Variants in CLPB observed in about 807,000 individuals in gnomAD.
The protein encoded by CLPB is mitochondrial disaggregase.
A neutral mutation model predicts 78.4 loss-of-function variants in CLPB; 40 were observed. That is an observed-to-expected ratio of 0.51 (90% confidence interval 0.40 to 0.66). The LOEUF (loss-of-function observed/expected upper bound fraction) is 0.66. CLPB is among the 30% of genes least tolerant of loss of function. The pLI is 0.00. For synonymous variants in CLPB, 333 were observed against 348.0 expected, an observed-to-expected ratio of 0.96 and a Z score of 0.48; for missense variants, 780 against 886.9, an observed-to-expected ratio of 0.88 and a Z score of 1.53.
Position 72,329,838 on chromosome 11 carries a change from T to C in CLPB, c.776-34A>G, listed in dbSNP as rs1338775704. 5 of 1,551,522 alleles carry C rather than the reference T, an allele frequency of 3.2e-6. No homozygotes were observed. In the African/African-American group the frequency reaches 4.1e-5, roughly 13 times the overall value. ...AGAAGAAGGATAAACAGAGGCTCTA[T>C]GAACGATCAGTGGGACCTCAGCCTT... On this transcript the variant is annotated intron_variant, in intron 5 of 15. Transcript: ENST00000538039.
chr11:72,396,120 A>AG (rs938344521), intron 3 of CLPB, among the ~76,000 whole-genome samples: 3 of 152,160 alleles, frequency 2.0e-5, no homozygotes, highest in Non-Finnish European at 2.9e-5. Context: ...CAAGGATGGC[A>AG]GCACTTTAAA....
intron 4 of CLPB, among the ~76,000 whole-genome samples, chr11:72,376,561 TAAAAAAAAA>T (rs61264751): frequency 6.9e-5 from 9 of 130,674 alleles, no homozygotes; most frequent in African/African-American, 2.5e-4. Context: ...TAGAATTATT[TAAAAAAAAA>T]AAAAAAAAGG....
Position 72,422,291 on chromosome 11 carries a change from A to C in CLPB, c.455+8021T>G, listed in dbSNP as rs146890230. On this transcript the variant is annotated intron_variant, in intron 2 of 15. Transcript: ENST00000538039. ...AAAAAAAAAAAAAAAAAAAAAAAAA[A>C]CTAGGGAACTGTATTTAAAAGGTCT... 9.0e-4 allele frequency among the ~76,000 whole-genome samples: 135 copies of C among 150,560 alleles called. 5 individuals are homozygous for C. The highest frequency in any genetic ancestry group is 8.8e-3 in the Admixed American group (133 of 15,074).
At chr11:72,352,271 A>C (rs1950627795) in intron 5 of CLPB, among the ~76,000 whole-genome samples, 1 of 152,190 alleles carries the variant, frequency 6.6e-6, no homozygotes, top group South Asian at 2.1e-4. Context: ...ACTGATAAAC[A>C]TTTTAACTAT....
rs909560911 is a variant in CLPB at position 72,299,311 on chromosome 11, G to A, written c.1329+2492C>T. On this transcript the variant is annotated intron_variant, in intron 11 of 15. Coordinates refer to ENST00000538039, the MANE Select transcript of CLPB (RefSeq NM_001258392.3). ...ATCCATTCTTTACACAGCTGCCCACGGCATCTTTGTAAAGTGAAAATTTGA... is the reference window on the plus strand; with the variant it reads ...ATCCATTCTTTACACAGCTGCCCACAGCATCTTTGTAAAGTGAAAATTTGA... 5.3e-5 allele frequency among the ~76,000 whole-genome samples: 8 copies of A among 152,130 alleles called. No individual in the cohort carries two copies. In the South Asian group the frequency reaches 8.3e-4, roughly 16 times the overall value.
intron 10 of CLPB, 145 bp downstream of exon 10, chr11:72,302,159 A>C (rs1949667685): frequency 1.0e-6 from 1 of 991,982 alleles, no homozygotes; most frequent in African/African-American, 1.6e-5. Context: ...ATGTGAAACA[A>C]ATCAGTGACC....
chr11:72,392,535 T>C (rs1247291482), intron 3 of CLPB, among the ~76,000 whole-genome samples: 1 of 152,180 alleles, frequency 6.6e-6, no homozygotes, highest in Non-Finnish European at 1.5e-5. Context: ...AATTAAAGAT[T>C]GGGTAGGAAA....
At chr11:72,344,363 C>CA (rs1565450517) in intron 5 of CLPB, among the ~76,000 whole-genome samples, 1 of 151,986 alleles carries the variant, frequency 6.6e-6, no homozygotes, top group Non-Finnish European at 1.5e-5. Flanking sequence ...CACATCACCA[C>CA]ACCCAGCTAA....
intron 11 of CLPB, among the ~76,000 whole-genome samples, chr11:72,298,607 C>T (rs1310158892): frequency 6.6e-6 from 1 of 152,226 alleles, no homozygotes; most frequent in Non-Finnish European, 1.5e-5. Flanking sequence ...AAGCCATCCT[C>T]CCACCTCAGC....
rs552355203 is a variant in CLPB, at chr11:72,432,914, T to C, written c.403+1158A>G. Among the ~76,000 whole-genome samples, 210 of 152,330 alleles carry C rather than the reference T, an allele frequency of 1.4e-3. 1 individual carries two copies. Among genetic ancestry groups the C allele is most frequent in the Non-Finnish European group, 1.7e-3 (119 of 68,022 alleles). On this transcript the variant is annotated intron_variant, in intron 1 of 15. Coordinates refer to ENST00000538039, the MANE Select transcript of CLPB (RefSeq NM_001258392.3). ...CTCAGAGCTTGGGGTGCATGGAATC[T>C]ATGGACACCATGCCTCAGTCTTTCT...
intron 2 of CLPB, among the ~76,000 whole-genome samples, chr11:72,427,782 A>T (rs1034805285): frequency 2.0e-5 from 3 of 152,204 alleles, no homozygotes; most frequent in African/African-American, 7.2e-5. Flanking sequence ...TGCACTACTC[A>T]GAATGTGTCC....
intron 3 of CLPB, among the ~76,000 whole-genome samples, chr11:72,396,700 G>A (rs1003213758): frequency 3.9e-5 from 6 of 152,170 alleles, no homozygotes; most frequent in Non-Finnish European, 8.8e-5. Flanking sequence ...CTGATAGTAT[G>A]AATTGACAAA....
intron 5 of CLPB, among the ~76,000 whole-genome samples, chr11:72,336,016 T>TGGTTGGGGAAGTA (rs1371085566): frequency 2.0e-5 from 3 of 151,828 alleles, no homozygotes. Flanking sequence ...AGGTGCGAAG[T>TGGTTGGGGAAGTA]GGGGAAGAAG....
intron 5 of CLPB, among the ~76,000 whole-genome samples, chr11:72,347,730 T>C (rs1950541903): frequency 6.6e-6 from 1 of 152,178 alleles, no homozygotes; most frequent in Admixed American, 6.5e-5. Context: ...CCCTGGAACC[T>C]GTGAATATGT....
At chr11:72,426,145 C>T (rs1450021999) in intron 2 of CLPB, among the ~76,000 whole-genome samples, 1 of 152,172 alleles carries the variant, frequency 6.6e-6, no homozygotes, top group African/African-American at 2.4e-5. Context: ...TTATTAGAGA[C>T]TGCTTGGGCT....
chr11:72,336,205 A>G (rs1950319030), intron 5 of CLPB, among the ~76,000 whole-genome samples: 1 of 152,154 alleles, frequency 6.6e-6, no homozygotes, highest in South Asian at 2.1e-4. Flanking sequence ...GCCTACCTCA[A>G]ATAAGATAAT....
chr11:72,293,618 G>T lies in CLPB; in HGVS notation c.1786-3C>A. 1 of 1,608,294 alleles carries T rather than the reference G, an allele frequency of 6.2e-7. No individual in the cohort carries two copies. The highest frequency in any genetic ancestry group is 8.5e-7 in the Non-Finnish European group (1 of 1,175,552). On this transcript the variant is annotated splice_polypyrimidine_tract_variant and splice_region_variant and intron_variant, in intron 15 of 15. Transcript: ENST00000538039. ...TGGTTCACCACACGGCGTTCTACCT[G>T]TCGGTGGGGAGGTGAAGTGGTCACT...
At position 72,354,277 on chromosome 11, in the gene CLPB, GTATATA is replaced by G. The variant is rs57178829; in HGVS notation, c.775+4597_775+4602del. ...AATGCTTCCAAAGATGTGTGTGTGT[GTATATA>G]TATATATATATATATAGCTAGTACC... is the stretch of plus-strand genomic sequence containing the variant. On this transcript the variant is annotated intron_variant, in intron 5 of 15. Coordinates refer to ENST00000538039, the MANE Select transcript of CLPB (RefSeq NM_001258392.3). 3,482 of 374,366 alleles carry G rather than the reference GTATATA, an allele frequency of 9.3e-3. 49 individuals are homozygous for G. The highest frequency in any genetic ancestry group is 0.057 in the East Asian group (1,515 of 26,468). 23.2% of individuals were successfully genotyped at this position (374,366 alleles called of 1,614,324 possible).
chr11:72,412,567 T>A (rs1190907715), intron 2 of CLPB, among the ~76,000 whole-genome samples: 1 of 152,150 alleles, frequency 6.6e-6, no homozygotes, highest in Admixed American at 6.6e-5. Context: ...AAAAGACTGA[T>A]CTATATATGA....
Sources: gnomAD v4.1 joint callset for allele counts (sites outside exome capture counted in the v4.1 genomes callset) on GRCh38, gnomAD v4.1.1 for gene constraint, MANE v1.5 for transcripts, NCBI Gene and HGNC (gene_info 2026-07-23, HGNC 2026-07-21) for gene names.